Variants in HDX observed in about 807,000 individuals in gnomAD.
HDX encodes highly divergent homeobox.
Under a neutral mutation model 45.2 loss-of-function variants are expected in HDX, and 19 were observed. That is an observed-to-expected ratio of 0.42 (90% CI 0.29 to 0.62). The LOEUF (loss-of-function observed/expected upper bound fraction) is 0.62. Among genes scored for constraint, HDX ranks in the 20% least tolerant of loss-of-function variants. HDX has a pLI of 0.20. For synonymous variants in HDX, 188 were observed against 172.8 expected (o/e 1.09, Z -0.69); for missense variants, 532 against 493.9 (o/e 1.08, Z -0.73).
chrX:84,354,210 A>G (rs1262559501), intron 6 of HDX, among the ~76,000 whole-genome samples: 1 of 111,873 alleles, frequency 8.9e-6, no homozygotes, highest in African/African-American at 3.2e-5. Flanking sequence ...TAAAAATAGT[A>G]GTGAATCTTT....
intron 1 of HDX, among the ~76,000 whole-genome samples, chrX:84,495,518 G>T (rs1376212544): frequency 9.0e-6 from 1 of 111,092 alleles, no homozygotes; most frequent in African/African-American, 3.3e-5. Flanking sequence ...TAAAGAGTAA[G>T]AAAATGCATA....
chrX:84,380,146 CAACCTACAAAGATTG>C (rs2038153396), intron 5 of HDX, among the ~76,000 whole-genome samples: 2 of 109,564 alleles, frequency 1.8e-5, no homozygotes, highest in African/African-American at 3.3e-5. Flanking sequence ...TACACACATA[CAACCTACAAAGATTG>C]AACCACAAAG....
chrX:84,494,016 A>T (rs1460598297), intron 1 of HDX, among the ~76,000 whole-genome samples: 1 of 111,183 alleles, frequency 9.0e-6, no homozygotes, highest in Non-Finnish European at 1.9e-5. Context: ...AAGAATAAAA[A>T]AATTAAAAAT....
At chrX:84,383,710 C>T (rs1424926118) in intron 5 of HDX, among the ~76,000 whole-genome samples, 1 of 111,340 alleles carries the variant, frequency 9.0e-6, no homozygotes, top group Admixed American at 9.6e-5. Context: ...CCTCTCTCCC[C>T]ACTCTAGTTG....
chrX:84,344,718 A>C (rs954594933), intron 6 of HDX, among the ~76,000 whole-genome samples: 4 of 111,208 alleles, frequency 3.6e-5, no homozygotes, highest in African/African-American at 1.3e-4. Context: ...GTTTCAATAC[A>C]TGTACAGATT....
chrX:84,427,211 C>T (rs1464484312), intron 5 of HDX, among the ~76,000 whole-genome samples: 1 of 110,967 alleles, frequency 9.0e-6, no homozygotes, highest in East Asian at 2.8e-4. Context: ...CAAGCTTGAT[C>T]TACATTACAT....
rs193251386 is a variant in HDX at position 84,376,213 on chromosome X, C to A, written c.1306-14601G>T. On this transcript the variant is annotated intron_variant, in intron 5 of 10. Transcript: ENST00000373177. ...CCTACTAACTGAAGAGCCCTTAGGC[C>A]GCGAATAGCTAGCAGCAATATCCAG... Among the ~76,000 whole-genome samples the A allele has an allele frequency of 4.5e-5, 5 of 112,136 alleles. No homozygotes were observed. The East Asian group carries it at 1.1e-3, about 25-fold the overall frequency.
chrX:84,390,111 G>A (rs2038409364), intron 5 of HDX, among the ~76,000 whole-genome samples: 1 of 109,846 alleles, frequency 9.1e-6, no homozygotes, highest in Non-Finnish European at 1.9e-5. Flanking sequence ...ACATTATGGT[G>A]GTTTACTTCG....
At chrX:84,353,343 G>A (rs4828255) in intron 6 of HDX, among the ~76,000 whole-genome samples, 45,179 of 109,412 alleles carry the variant, frequency 0.41, 8,095 homozygotes, top group Middle Eastern at 0.68. Context: ...TTAAAAGGTG[G>A]GACCTTTTGG....
chrX:84,465,311 C>A (rs1468855261), intron 4 of HDX, among the ~76,000 whole-genome samples: 1 of 111,767 alleles, frequency 8.9e-6, no homozygotes, highest in Non-Finnish European at 1.9e-5. Flanking sequence ...GCTAGCAATC[C>A]CATTACTGGT....
At chrX:84,476,561 A>C (rs2040558453) in intron 2 of HDX, among the ~76,000 whole-genome samples, 1 of 106,687 alleles carries the variant, frequency 9.4e-6, no homozygotes, top group Non-Finnish European at 1.9e-5. Context: ...AAAAAAAAAA[A>C]AAGAGGAAAG....
intron 5 of HDX, among the ~76,000 whole-genome samples, chrX:84,377,606 C>T (rs1162998519): frequency 9.0e-6 from 1 of 110,766 alleles, no homozygotes; most frequent in East Asian, 2.9e-4. Context: ...AATTGATATA[C>T]CAAAGAATGC....
At chrX:84,434,898 A>G (rs953751520) in intron 5 of HDX, among the ~76,000 whole-genome samples, 5 of 111,189 alleles carry the variant, frequency 4.5e-5, no homozygotes, top group African/African-American at 1.6e-4. Context: ...CAATGTTAGT[A>G]AGTCATATGT....
At chrX:84,491,109 T>G (rs1017359121) in intron 1 of HDX, among the ~76,000 whole-genome samples, 2 of 111,690 alleles carry the variant, frequency 1.8e-5, no homozygotes, top group Non-Finnish European at 3.8e-5. Flanking sequence ...AATTTTCAAC[T>G]GTTCGTTTTT....
chrX:84,459,503 A>G (rs149601572), intron 4 of HDX, among the ~76,000 whole-genome samples: 1 of 111,356 alleles, frequency 9.0e-6, no homozygotes, highest in Non-Finnish European at 1.9e-5. Flanking sequence ...AAACAAATGA[A>G]AATGATAAAA....
intron 5 of HDX, among the ~76,000 whole-genome samples, chrX:84,390,060 G>A (rs892623254): frequency 9.1e-6 from 1 of 110,233 alleles, no homozygotes. Context: ...CAGTGTAACC[G>A]TTCTATCCAC....
intron 5 of HDX, among the ~76,000 whole-genome samples, chrX:84,372,678 C>T (rs2037925541): frequency 9.0e-6 from 1 of 111,631 alleles, no homozygotes; most frequent in Admixed American, 9.6e-5. Flanking sequence ...TAACTAAAAG[C>T]GAGAATTGTT....
At chrX:84,426,570 A>T (rs1235531957) in intron 5 of HDX, among the ~76,000 whole-genome samples, 1 of 111,188 alleles carries the variant, frequency 9.0e-6, no homozygotes, top group Non-Finnish European at 1.9e-5. Flanking sequence ...ATACTGCATG[A>T]TTTCACTTAT....
intron 1 of HDX, among the ~76,000 whole-genome samples, 186 bp downstream of exon 1, chrX:84,502,156 C>A (rs1469740400): frequency 4.5e-5 from 5 of 111,049 alleles, no homozygotes. Context: ...CAGCCGCCAG[C>A]CTTCGCTAGG....
Sources: allele counts gnomAD v4.1 joint callset (sites outside exome capture counted in the v4.1 genomes callset), GRCh38; gene constraint gnomAD v4.1.1; transcripts MANE v1.5; gene names NCBI Gene and HGNC (gene_info 2026-07-23, HGNC 2026-07-21).